Variants in SLCO5A1 observed in about 807,000 individuals in gnomAD.
The protein encoded by SLCO5A1 is solute carrier organic anion transporter family member 5A1.
Under a neutral mutation model 65.1 loss-of-function variants are expected in SLCO5A1, and 39 were observed. That is an observed-to-expected ratio of 0.60 (90% CI 0.46 to 0.78). The LOEUF is 0.78. Ranked by LOEUF, SLCO5A1 falls within the 30% of genes least tolerant of loss-of-function variation. The pLI is 0.00. For synonymous variants in SLCO5A1, 438 were observed against 415.7 expected (o/e 1.05, Z -0.65); for missense variants, 1,029 against 1,069.4 (o/e 0.96, Z 0.53).
chr8:69,791,342 C>A (rs1461385280), intron 2 of SLCO5A1, among the ~76,000 whole-genome samples: 1 of 152,124 alleles, frequency 6.6e-6, no homozygotes, highest in African/African-American at 2.4e-5. Flanking sequence ...GAAACCTCTG[C>A]AAAACCAGAA....
chr8:69,817,200 T>C (rs1820446030), intron 2 of SLCO5A1, among the ~76,000 whole-genome samples: 1 of 152,210 alleles, frequency 6.6e-6, no homozygotes, highest in Non-Finnish European at 1.5e-5. Context: ...TATTCTACTT[T>C]TTGTTTCTAT....
chr8:69,697,850 T>A (rs1814565643), intron 6 of SLCO5A1, among the ~76,000 whole-genome samples: 1 of 152,166 alleles, frequency 6.6e-6, no homozygotes, highest in Non-Finnish European at 1.5e-5. Context: ...TTTTTACTTG[T>A]TTGTTTGTTT....
At chr8:69,757,959 A>G (rs954585307) in intron 3 of SLCO5A1, among the ~76,000 whole-genome samples, 11 of 152,148 alleles carry the variant, frequency 7.2e-5, no homozygotes, top group African/African-American at 4.8e-5. Context: ...CTGGGTTTGT[A>G]TCCTGTCTTT....
At chr8:69,820,968 T>C (rs1185711694) in intron 2 of SLCO5A1, among the ~76,000 whole-genome samples, 2 of 152,166 alleles carry the variant, frequency 1.3e-5, no homozygotes, top group Admixed American at 6.5e-5. Flanking sequence ...TGACCAGTTG[T>C]TGGTAGAGTG....
chr8:69,696,375 A>G (rs964551576), intron 6 of SLCO5A1, among the ~76,000 whole-genome samples: 1 of 152,198 alleles, frequency 6.6e-6, no homozygotes, highest in African/African-American at 2.4e-5. Flanking sequence ...GCCCGATCGA[A>G]TCTCCATGGG....
intron 2 of SLCO5A1, among the ~76,000 whole-genome samples, chr8:69,828,276 T>A (rs2380605): frequency 0.7 from 92,512 of 131,648 alleles, 30,222 homozygotes; most frequent in Non-Finnish European, 0.77. Flanking sequence ...TTTTTTTTTT[T>A]AAAAAAAAAG....
At chr8:69,707,280 T>A (rs1425354926) in intron 5 of SLCO5A1, among the ~76,000 whole-genome samples, 3 of 151,452 alleles carry the variant, frequency 2.0e-5, no homozygotes, top group Non-Finnish European at 2.9e-5. Context: ...AGGGAGAGAG[T>A]CTTCCCTGGA....
chr8:69,716,249 G>C (rs576410060), intron 5 of SLCO5A1, among the ~76,000 whole-genome samples: 266 of 152,260 alleles, frequency 1.7e-3, no homozygotes, highest in African/African-American at 6.1e-3. Flanking sequence ...CATTTGGGTT[G>C]TTTCTACTTT....
At chr8:69,749,751 AAC>A (rs201964548) in intron 4 of SLCO5A1, among the ~76,000 whole-genome samples, 41 of 141,368 alleles carry the variant, frequency 2.9e-4, no homozygotes, top group South Asian at 6.7e-4. Context: ...AAAAAAAAAA[AAC>A]ATTCCTGTCT....
intron 2 of SLCO5A1, among the ~76,000 whole-genome samples, chr8:69,783,799 C>T (rs16936432): frequency 0.21 from 32,340 of 151,838 alleles, 4,314 homozygotes; most frequent in African/African-American, 0.38. Flanking sequence ...GTGACCTATA[C>T]GGAGAATGAA....
intron 2 of SLCO5A1, among the ~76,000 whole-genome samples, chr8:69,797,089 C>T (rs958164259): frequency 5.3e-5 from 8 of 152,140 alleles, no homozygotes; most frequent in African/African-American, 1.4e-4. Flanking sequence ...ATGGAGGGAC[C>T]GGCTGAAGCC....
chr8:69,826,804 C>G (rs1251394923), intron 2 of SLCO5A1, among the ~76,000 whole-genome samples: 1 of 152,064 alleles, frequency 6.6e-6, no homozygotes, highest in East Asian at 1.9e-4. Context: ...TGGGTATATA[C>G]CCAAAGGACT....
intron 2 of SLCO5A1, among the ~76,000 whole-genome samples, chr8:69,806,476 T>C (rs1819993988): frequency 6.6e-6 from 1 of 152,218 alleles, no homozygotes; most frequent in South Asian, 2.1e-4. Context: ...AAGTACACTG[T>C]AGCCATTGAT....
chr8:69,719,496 G>C (rs1464442791), intron 5 of SLCO5A1, among the ~76,000 whole-genome samples: 1 of 152,126 alleles, frequency 6.6e-6, no homozygotes, highest in Admixed American at 6.5e-5. Context: ...AATAGCATAA[G>C]TAATAATAGT....
At chr8:69,773,247 G>A (rs887665819) in intron 2 of SLCO5A1, among the ~76,000 whole-genome samples, 3 of 152,190 alleles carry the variant, frequency 2.0e-5, no homozygotes, top group Non-Finnish European at 4.4e-5. Context: ...GTGCCCTAGA[G>A]GGTGACGGCA....
intron 7 of SLCO5A1, among the ~76,000 whole-genome samples, chr8:69,680,325 C>T (rs1236499538): frequency 1.3e-5 from 2 of 152,126 alleles, no homozygotes; most frequent in Non-Finnish European, 1.5e-5. Flanking sequence ...CTATTGTTTC[C>T]ATTTTTGTGT....
At position 69,825,436 on chromosome 8, in the gene SLCO5A1, G is replaced by A. The variant is rs529649003; in HGVS notation, c.907+6331C>T. 7.9e-5 allele frequency among the ~76,000 whole-genome samples: 12 copies of A among 152,258 alleles called. No individual in the cohort carries two copies. The South Asian group carries it at 2.5e-3, about 32-fold the overall frequency. On this transcript the variant is annotated intron_variant, in intron 2 of 9. Coordinates refer to ENST00000260126, the MANE Select transcript of SLCO5A1 (RefSeq NM_030958.3). ...GATAAGTAACTTCAGCAAAGTCTCA[G>A]GATACAAAATCAATGTACAAAAATC...
intron 6 of SLCO5A1, among the ~76,000 whole-genome samples, chr8:69,684,282 C>G (rs1011643901): frequency 6.6e-6 from 1 of 152,140 alleles, no homozygotes; most frequent in African/African-American, 2.4e-5. Flanking sequence ...TTAGTTCTCA[C>G]AACTGAGGGG....
At chr8:69,732,864 G>A (rs1436184402) in intron 5 of SLCO5A1, among the ~76,000 whole-genome samples, 1 of 151,948 alleles carries the variant, frequency 6.6e-6, no homozygotes, top group African/African-American at 2.4e-5. Context: ...ACTCCAGCCT[G>A]GCGACAGAGC....
Sources: allele counts gnomAD v4.1 joint callset (sites outside exome capture counted in the v4.1 genomes callset), GRCh38; gene constraint gnomAD v4.1.1; transcripts MANE v1.5; gene names NCBI Gene and HGNC (gene_info 2026-07-23, HGNC 2026-07-21).